Variants in LRP1B observed in about 807,000 individuals in gnomAD.
LRP1B encodes the protein low-density lipoprotein receptor-related protein 1B.
Under a neutral mutation model 556.6 loss-of-function variants are expected in LRP1B, and 217 were observed. The observed-to-expected ratio is 0.39, with a 90% CI of 0.35 to 0.44. The LOEUF is 0.44. LRP1B is among the 20% of genes least tolerant of loss of function. The pLI is 1.00. For missense variants in LRP1B, 5,053 were observed against 5,620.8 expected (o/e 0.90, Z 3.23); for synonymous variants, 2,047 against 1,865.8 (o/e 1.10, Z -2.50).
intron 67 of LRP1B, among the ~76,000 whole-genome samples, chr2:140,381,318 A>G (rs72896239): frequency 0.037 from 5,607 of 152,292 alleles, 109 homozygotes; most frequent in South Asian, 0.066. Flanking sequence ...GACTGTAGTA[A>G]AAGCTAACCC....
At chr2:142,118,993 C>T (rs1299451043) in intron 1 of LRP1B, among the ~76,000 whole-genome samples, 1 of 152,140 alleles carries the variant, frequency 6.6e-6, no homozygotes, top group Non-Finnish European at 1.5e-5. Flanking sequence ...GAAAAGTAAA[C>T]TTAAAGTGAC....
At chr2:141,688,298 G>A (rs957149539) in intron 2 of LRP1B, among the ~76,000 whole-genome samples, 3 of 151,586 alleles carry the variant, frequency 2.0e-5, no homozygotes, top group Admixed American at 6.6e-5. Context: ...ATAGCTAACC[G>A]CTATTGTGCA....
chr2:142,005,906 A>AAAG (rs1323323312), intron 1 of LRP1B, among the ~76,000 whole-genome samples: 1 of 151,874 alleles, frequency 6.6e-6, no homozygotes, highest in East Asian at 1.9e-4. Context: ...AAGAAAAAAA[A>AAAG]AAGAAAAAAA....
At chr2:140,390,463 T>G (rs116035673) in intron 66 of LRP1B, among the ~76,000 whole-genome samples, 3,095 of 152,152 alleles carry the variant, frequency 0.02, 38 homozygotes, top group African/African-American at 0.028. Context: ...TCTGAAAGTA[T>G]AAACATAATG....
intron 7 of LRP1B, among the ~76,000 whole-genome samples, chr2:141,144,237 T>G (rs1353028786): frequency 6.6e-6 from 1 of 152,218 alleles, no homozygotes; most frequent in African/African-American, 2.4e-5. Flanking sequence ...ATGAAAGATT[T>G]CATTTCAATT....
At chr2:140,295,635 A>C (rs746747507) in intron 84 of LRP1B, among the ~76,000 whole-genome samples, 2 of 152,208 alleles carry the variant, frequency 1.3e-5, no homozygotes, top group Admixed American at 6.5e-5. Flanking sequence ...CAAATGCTAA[A>C]TAGGTAATAT....
chr2:141,002,135 C>T (rs189295404), intron 15 of LRP1B, among the ~76,000 whole-genome samples: 2 of 151,942 alleles, frequency 1.3e-5, no homozygotes, highest in East Asian at 1.9e-4. Flanking sequence ...GAAACGGAAA[C>T]AATCACCTGG....
rs2105053662 is a variant in LRP1B at position 140,322,080 on chromosome 2, G to A, written c.12523C>T (p.Pro4175Ser). The change falls in exon 82 of 91, where the codon CCA becomes TCA. Residue 4175 changes from proline to serine, a missense_variant. Coordinates refer to ENST00000389484, the MANE Select transcript of LRP1B (RefSeq NM_018557.3). ...AATTCGCATGCTAAATCCAAGCATGGATTGGGTACTGGTGAAACAAAAGAA... is the reference window on the plus strand; with the variant it reads ...AATTCGCATGCTAAATCCAAGCATGAATTGGGTACTGGTGAAACAAAAGAA... ...HRYKQLDLPN[P>S]CLDLACEFLC... 6.2e-7 allele frequency: 1 copy of A among 1,612,692 alleles called. No individual in the cohort carries two copies. Among genetic ancestry groups the A allele is most frequent in the Non-Finnish European group, 8.5e-7 (1 of 1,179,318 alleles).
rs546444125 is a variant in LRP1B, at chr2:141,547,916, T to C, written c.206-67383A>G. ...TCATATATATTTTTCAAAATCGGTATGTATGAGGAACTGTGAGCACAAAGA... is the reference window on the plus strand; with the variant it reads ...TCATATATATTTTTCAAAATCGGTACGTATGAGGAACTGTGAGCACAAAGA... On this transcript the variant is annotated intron_variant, in intron 2 of 90. Coordinates refer to ENST00000389484, the MANE Select transcript of LRP1B (RefSeq NM_018557.3). 1.1e-4 allele frequency among the ~76,000 whole-genome samples: 16 copies of C among 152,246 alleles called. No homozygotes were observed. The East Asian group carries it at 3.1e-3, about 29-fold the overall frequency.
At chr2:141,654,202 A>G (rs780357237) in intron 2 of LRP1B, among the ~76,000 whole-genome samples, 1 of 152,214 alleles carries the variant, frequency 6.6e-6, no homozygotes, top group Non-Finnish European at 1.5e-5. Context: ...GAAAAGGTAA[A>G]TACGTCGAAA....
Position 140,633,117 on chromosome 2 carries a change from CATAG to C in LRP1B, c.6800-31482_6800-31479del, listed in dbSNP as rs1275962864. On this transcript the variant is annotated intron_variant, in intron 41 of 90. Transcript: ENST00000389484. Reference sequence around the variant, plus strand: ...AAGAAACCCACATTAAATATAAAAACATAGATAGGTTAAATGAGATGGAGAAAAA... The same window carrying C: ...AAGAAACCCACATTAAATATAAAAACATAGGTTAAATGAGATGGAGAAAAA... Among the ~76,000 whole-genome samples, 5 of 148,442 alleles carry C rather than the reference CATAG, an allele frequency of 3.4e-5. No individual in the cohort carries two copies. In the South Asian group the frequency reaches 6.4e-4, roughly 19 times the overall value.
intron 41 of LRP1B, among the ~76,000 whole-genome samples, chr2:140,695,182 T>A (rs994257753): frequency 4.6e-5 from 7 of 151,600 alleles, no homozygotes; most frequent in African/African-American, 1.7e-4. Flanking sequence ...AGTACTCACT[T>A]CTCTCTACTG....
chr2:141,315,310 A>G (rs1221191911), intron 3 of LRP1B, among the ~76,000 whole-genome samples: 1 of 110,328 alleles, frequency 9.1e-6, no homozygotes, highest in African/African-American at 3.6e-5. Context: ...CCCAGGGTGG[A>G]GTGCAGTGGC....
intron 3 of LRP1B, among the ~76,000 whole-genome samples, chr2:141,332,466 GA>G (rs1254704877): frequency 2.7e-5 from 4 of 148,986 alleles, no homozygotes; most frequent in African/African-American, 9.8e-5. Flanking sequence ...AAAAAAGCAT[GA>G]ATTTTATATG....
At chr2:141,968,765 G>A (rs1701637006) in intron 1 of LRP1B, among the ~76,000 whole-genome samples, 1 of 151,626 alleles carries the variant, frequency 6.6e-6, no homozygotes, top group Admixed American at 6.6e-5. Flanking sequence ...CCTTGCTCTG[G>A]TTTGGTGGTG....
At chr2:140,646,534 C>T (rs187941620) in intron 41 of LRP1B, among the ~76,000 whole-genome samples, 1 of 152,252 alleles carries the variant, frequency 6.6e-6, no homozygotes, top group East Asian at 1.9e-4. Flanking sequence ...TCTTTGATGC[C>T]AGTCTATGCA....
At chr2:140,766,841 ATATTATAT>A (rs1689129879) in intron 35 of LRP1B, among the ~76,000 whole-genome samples, 1 of 15,862 alleles carries the variant, frequency 6.3e-5, no homozygotes, top group South Asian at 7.4e-3. Context: ...ATATATATAT[ATATTATAT>A]ATATATATAT....
At chr2:141,451,501 C>T (rs1238242245) in intron 3 of LRP1B, among the ~76,000 whole-genome samples, 1 of 152,162 alleles carries the variant, frequency 6.6e-6, no homozygotes, top group African/African-American at 2.4e-5. Context: ...GCCTATTACT[C>T]CTCAGTACTG....
At chr2:141,895,742 A>G (rs1034236459) in intron 1 of LRP1B, among the ~76,000 whole-genome samples, 1 of 152,230 alleles carries the variant, frequency 6.6e-6, no homozygotes, top group African/African-American at 2.4e-5. Context: ...GTGCAAAATA[A>G]TGTCATTGTT....
Sources: gnomAD v4.1 joint callset for allele counts (sites outside exome capture counted in the v4.1 genomes callset) on GRCh38, gnomAD v4.1.1 for gene constraint, MANE v1.5 for transcripts, NCBI Gene and HGNC (gene_info 2026-07-23, HGNC 2026-07-21) for gene names.